Variants in MCTP1 observed in about 807,000 individuals in gnomAD.
The protein encoded by MCTP1 is multiple C2 and transmembrane domain-containing protein 1.
Under a neutral mutation model 120.6 loss-of-function variants are expected in MCTP1, and 69 were observed. That is an observed-to-expected ratio of 0.57 (90% CI 0.47 to 0.70). The LOEUF (loss-of-function observed/expected upper bound fraction) is 0.70. Ranked by LOEUF, MCTP1 falls within the 30% of genes least tolerant of loss-of-function variation. The pLI, the probability that MCTP1 is intolerant of heterozygous loss-of-function variation, is 0.00. For missense variants in MCTP1, 1,203 were observed against 1,248.8 expected (o/e 0.96, Z 0.55); for synonymous variants, 529 against 493.1 (o/e 1.07, Z -0.96).
rs1249697759 is a variant in MCTP1, at chr5:94,706,394, A to C, written c.*1102T>G. On this transcript the variant is annotated 3_prime_UTR_variant, in exon 23 of 23. Transcript: ENST00000515393. ...TTGATAAAGGCAACCACCACCCCCA[A>C]GCAGTTTATTTTATTTTACAAAACA... 1.3e-5 allele frequency: 2 copies of C among 150,446 alleles called. No individual in the cohort carries two copies. The highest frequency in any genetic ancestry group is 3.0e-5 in the Non-Finnish European group (2 of 67,604). 9.3% of individuals were successfully genotyped at this position (150,446 alleles called of 1,614,324 possible). A position where few individuals can be genotyped will look rare whatever the true frequency, so the allele number is the denominator to read the frequency against.
intron 1 of MCTP1, among the ~76,000 whole-genome samples, chr5:95,048,010 G>A (rs1024353889): frequency 6.6e-6 from 1 of 152,152 alleles, no homozygotes; most frequent in African/African-American, 2.4e-5. Context: ...ATCATTTGAT[G>A]ATTATTGCAT....
chr5:94,882,642 A>G (rs1256151006), intron 12 of MCTP1, among the ~76,000 whole-genome samples: 2 of 152,264 alleles, frequency 1.3e-5, no homozygotes, highest in African/African-American at 2.4e-5. Context: ...CAAATCAGCA[A>G]TTTGCTATTT....
At chr5:94,989,311 T>G (rs1831048254) in intron 2 of MCTP1, among the ~76,000 whole-genome samples, 1 of 152,162 alleles carries the variant, frequency 6.6e-6, no homozygotes, top group Admixed American at 6.6e-5. Context: ...TGTCTTTAAC[T>G]TAGACCCTAC....
At chr5:95,236,942 T>G (rs1353263787) in intron 1 of MCTP1, among the ~76,000 whole-genome samples, 1 of 152,220 alleles carries the variant, frequency 6.6e-6, no homozygotes, top group Non-Finnish European at 1.5e-5. Flanking sequence ...TGAAGTAAGC[T>G]TTAAAATGGC....
At position 95,186,509 on chromosome 5, in the gene MCTP1, TAAAA is replaced by T. The variant is rs1749224940; in HGVS notation, c.720+97343_720+97346del. 3.3e-5 allele frequency among the ~76,000 whole-genome samples: 5 copies of T among 152,102 alleles called. No individual in the cohort carries two copies. The South Asian group carries it at 8.3e-4, about 25-fold the overall frequency. On this transcript the variant is annotated intron_variant, in intron 1 of 22. Transcript: ENST00000515393. ...TAAAAATTGCAAAATGCTGATGAAA[TAAAA>T]GAAAGATAGAAATAAATGGAGAGAT...
intron 18 of MCTP1, among the ~76,000 whole-genome samples, chr5:94,785,104 T>C (rs954104996): frequency 3.9e-5 from 6 of 152,144 alleles, no homozygotes; most frequent in African/African-American, 9.6e-5. Context: ...CCAAAAAGTA[T>C]GTTACCTTTT....
At chr5:94,709,250 TG>T (rs1333609297) in intron 21 of MCTP1, 1 of 152,102 alleles carries the variant, frequency 6.6e-6, no homozygotes, top group East Asian at 1.9e-4. Context: ...TCTGGAATCT[TG>T]ATTTTGGTCC....
intron 9 of MCTP1, among the ~76,000 whole-genome samples, chr5:94,912,275 AT>A (rs1258723005): frequency 6.6e-6 from 1 of 151,662 alleles, no homozygotes; most frequent in South Asian, 2.1e-4. Context: ...AAATACAAAA[AT>A]TAGCTGGGCA....
chr5:94,848,829 C>T (rs73776910), intron 17 of MCTP1, among the ~76,000 whole-genome samples: 24,388 of 151,372 alleles, frequency 0.16, 2,982 homozygotes, highest in African/African-American at 0.34. Flanking sequence ...AATAAATAAT[C>T]TGTCAGTAAA....
At chr5:95,124,504 G>T (rs1758477155) in intron 1 of MCTP1, among the ~76,000 whole-genome samples, 1 of 152,214 alleles carries the variant, frequency 6.6e-6, no homozygotes, top group Non-Finnish European at 1.5e-5. Flanking sequence ...GTTAGGTTCT[G>T]AAATGTAGTA....
At chr5:94,730,748 C>T (rs1384332552) in intron 19 of MCTP1, among the ~76,000 whole-genome samples, 1 of 152,190 alleles carries the variant, frequency 6.6e-6, no homozygotes, top group Non-Finnish European at 1.5e-5. Context: ...GCCCTTTACT[C>T]ATTCTTTGAG....
intron 1 of MCTP1, among the ~76,000 whole-genome samples, chr5:95,230,722 T>C (rs1477695492): frequency 5.3e-5 from 8 of 152,222 alleles, no homozygotes; most frequent in Admixed American, 5.2e-4. Context: ...ACTAGGCATA[T>C]ATGGGTTTTA....
At chr5:94,902,899 A>C (rs951435508) in intron 10 of MCTP1, among the ~76,000 whole-genome samples, 3 of 152,214 alleles carry the variant, frequency 2.0e-5, no homozygotes, top group African/African-American at 7.2e-5. Context: ...CACACTATAC[A>C]TACAGCAGTG....
intron 1 of MCTP1, among the ~76,000 whole-genome samples, chr5:95,130,080 C>A (rs771609980): frequency 3.9e-5 from 6 of 152,202 alleles, no homozygotes; most frequent in Admixed American, 1.3e-4. Context: ...ACCAGTATCA[C>A]CCCCTGTCCC....
rs115265360 is a variant in MCTP1 at position 94,813,117 on chromosome 5, T to C, written c.2437-13985A>G. On this transcript the variant is annotated intron_variant, in intron 17 of 22. Coordinates refer to ENST00000515393, the MANE Select transcript of MCTP1 (RefSeq NM_024717.7). ...CTTGTATTCAGAGTATGTAGAGTAC[T>C]TAATACGAAGACAAAAACCCCGTTT... is the stretch of plus-strand genomic sequence containing the variant. Among the ~76,000 whole-genome samples, 1,113 of 152,244 alleles carry C rather than the reference T, an allele frequency of 7.3e-3. 13 individuals are homozygous for C. Among genetic ancestry groups the C allele is most frequent in the African/African-American group, 0.025 (1,051 of 41,532 alleles).
chr5:95,216,706 A>AAATTCTTGTTAT (rs1753082497), intron 1 of MCTP1, among the ~76,000 whole-genome samples: 1 of 152,212 alleles, frequency 6.6e-6, no homozygotes, highest in Admixed American at 6.5e-5. Flanking sequence ...TTCTTGTTAT[A>AAATTCTTGTTAT]AACACACTGT....
intron 19 of MCTP1, among the ~76,000 whole-genome samples, chr5:94,740,070 T>G (rs1765162082): frequency 6.6e-6 from 1 of 152,250 alleles, no homozygotes; most frequent in African/African-American, 2.4e-5. Context: ...TCTTGAATCA[T>G]ACACGTATTG....
intron 2 of MCTP1, among the ~76,000 whole-genome samples, chr5:94,995,713 T>C (rs908397319): frequency 3.9e-5 from 6 of 152,174 alleles, no homozygotes; most frequent in Admixed American, 3.9e-4. Context: ...GTCTCTCAAA[T>C]GGAATAGAGC....
At chr5:94,876,401 T>C (rs1798878995) in intron 12 of MCTP1, among the ~76,000 whole-genome samples, 1 of 152,060 alleles carries the variant, frequency 6.6e-6, no homozygotes, top group Non-Finnish European at 1.5e-5. Context: ...GTGCACTATA[T>C]TCTGCAAAGT....
Sources: allele counts gnomAD v4.1 joint callset (sites outside exome capture counted in the v4.1 genomes callset), GRCh38; gene constraint gnomAD v4.1.1; transcripts MANE v1.5; gene names NCBI Gene and HGNC (gene_info 2026-07-23, HGNC 2026-07-21).